Variants in PSD3 observed in about 807,000 individuals in gnomAD.
PSD3 encodes PH and SEC7 domain-containing protein 3.
In PSD3, 49 loss-of-function variants were observed where a neutral mutation model predicts 105.5. That is an observed-to-expected ratio of 0.46 (90% CI 0.37 to 0.59). The LOEUF is 0.59. Ranked by LOEUF, PSD3 falls within the 20% of genes least tolerant of loss-of-function variation. PSD3 has a pLI of 0.00. For missense variants in PSD3, 1,561 were observed against 1,263.8 expected (o/e 1.24, Z -3.57); for synonymous variants, 557 against 457.8 (o/e 1.22, Z -2.77).
At chr8:18,940,027 A>C (rs1323818881) in intron 1 of PSD3, 3 of 152,160 alleles carry the variant, frequency 2.0e-5, no homozygotes, top group Non-Finnish European at 4.4e-5. Flanking sequence ...CTCATGACCT[A>C]AACTGTTGGA....
Position 18,532,939 on chromosome 8 carries a change from T to C in PSD3, c.*2804A>G, listed in dbSNP as rs1240780112. 2.6e-5 allele frequency: 4 copies of C among 152,200 alleles called. No individual in the cohort carries two copies. Among genetic ancestry groups the C allele is most frequent in the African/African-American group, 9.7e-5 (4 of 41,418 alleles). The allele number at this position is 152,200 out of a possible 1,614,324, so 9.4% of individuals were successfully genotyped here. A position where few individuals can be genotyped will look rare whatever the true frequency, so the allele number is the denominator to read the frequency against. On this transcript the variant is annotated 3_prime_UTR_variant, in exon 16 of 16. Transcript: ENST00000327040. ...TGACGTGAAGAAGAATGATTTATCA[T>C]ATGGAAGGAAGTCCCAAGGCTCCTG...
chr8:18,842,143 C>G (rs538333221), intron 4 of PSD3, among the ~76,000 whole-genome samples: 1 of 152,284 alleles, frequency 6.6e-6, no homozygotes, highest in African/African-American at 2.4e-5. Flanking sequence ...CCATAATGAG[C>G]CTGGCATCTG....
chr8:18,533,575 T>C lies in PSD3; in HGVS notation c.*2168A>G, dbSNP rs185891403. 12 of 152,292 alleles carry C rather than the reference T, an allele frequency of 7.9e-5. No homozygotes were observed. In the East Asian group the frequency reaches 1.2e-3, roughly 15 times the overall value. 9.4% of individuals were successfully genotyped at this position (152,292 alleles called of 1,614,324 possible). ...ATGTATATTAAATAAGTAAAATACA[T>C]ACAGACATTCTATATACATAGATAT... On this transcript the variant is annotated 3_prime_UTR_variant, in exon 16 of 16. Transcript: ENST00000327040.
At chr8:18,814,778 G>C (rs369878309) in intron 4 of PSD3, among the ~76,000 whole-genome samples, 8 of 152,296 alleles carry the variant, frequency 5.3e-5, no homozygotes, top group African/African-American at 1.9e-4. Context: ...CTCACTTACA[G>C]TCTGACCAAC....
chr8:19,037,430 C>T (rs1455353521), intron 1 of PSD3, among the ~76,000 whole-genome samples: 1 of 152,194 alleles, frequency 6.6e-6, no homozygotes, highest in East Asian at 1.9e-4. Flanking sequence ...CCTATGGTTA[C>T]TGGAAGGATT....
At chr8:18,926,574 A>G (rs527414446) in intron 2 of PSD3, among the ~76,000 whole-genome samples, 1 of 152,176 alleles carries the variant, frequency 6.6e-6, no homozygotes, top group South Asian at 2.1e-4. Context: ...ACAATGAGAT[A>G]CTACTTCATA....
chr8:18,714,970 T>G (rs7005422), intron 9 of PSD3, among the ~76,000 whole-genome samples: 30,858 of 152,084 alleles, frequency 0.2, 5,960 homozygotes, highest in African/African-American at 0.49. Flanking sequence ...ATGAGATCAT[T>G]TCTTTTGCAG....
chr8:18,757,299 A>AC (rs1806132192), intron 9 of PSD3, among the ~76,000 whole-genome samples: 2 of 92,872 alleles, frequency 2.2e-5, no homozygotes, highest in African/African-American at 1.2e-4. Context: ...CCAAAAATAC[A>AC]AAAAAAAAAA....
chr8:18,885,413 C>A (rs976048335), intron 2 of PSD3, among the ~76,000 whole-genome samples: 19 of 152,078 alleles, frequency 1.2e-4, no homozygotes, highest in African/African-American at 4.3e-4. Flanking sequence ...TAAACTGTTT[C>A]GTATATATGT....
chr8:18,583,387 C>T (rs1044652724), intron 12 of PSD3, among the ~76,000 whole-genome samples: 13 of 152,016 alleles, frequency 8.6e-5, no homozygotes, highest in African/African-American at 2.4e-4. Flanking sequence ...GCTGAGACAC[C>T]GCCATTGCAC....
At chr8:19,066,074 T>C (rs1430270810) in intron 1 of PSD3, among the ~76,000 whole-genome samples, 3 of 152,238 alleles carry the variant, frequency 2.0e-5, no homozygotes, top group African/African-American at 7.2e-5. Flanking sequence ...GGTCAAGTCA[T>C]GGCAGCACCT....
chr8:18,715,541 T>C (rs924789102), intron 9 of PSD3, among the ~76,000 whole-genome samples: 3 of 152,204 alleles, frequency 2.0e-5, no homozygotes, highest in African/African-American at 4.8e-5. Flanking sequence ...TAAAATGGAA[T>C]GTTTTTCCTA....
At chr8:18,898,947 CT>C (rs1374116391) in intron 2 of PSD3, among the ~76,000 whole-genome samples, 1 of 152,124 alleles carries the variant, frequency 6.6e-6, no homozygotes, top group Non-Finnish European at 1.5e-5. Context: ...GTCTTTTTAA[CT>C]TTTTCATTTC....
chr8:18,615,846 T>C lies in PSD3; in HGVS notation c.2411-15412A>G, dbSNP rs1207655574. ...CCAGGGAAGGACAGAGCGAAGACCC[T>C]GCTGTGCACGCATTTCTACAACTAG... On this transcript the variant is annotated intron_variant, in intron 11 of 15. Transcript: ENST00000327040. Among the ~76,000 whole-genome samples the C allele has an allele frequency of 3.3e-5, 5 of 152,322 alleles. No individual in the cohort carries two copies. In the South Asian group the frequency reaches 6.2e-4, roughly 19 times the overall value.
chr8:18,673,118 T>C (rs1018876554), intron 9 of PSD3, among the ~76,000 whole-genome samples: 1 of 152,140 alleles, frequency 6.6e-6, no homozygotes, highest in African/African-American at 2.4e-5. Context: ...TTGGTTTTTC[T>C]ATTTTCAATA....
At chr8:18,891,789 C>A (rs1818796104) in intron 2 of PSD3, among the ~76,000 whole-genome samples, 2 of 152,154 alleles carry the variant, frequency 1.3e-5, no homozygotes, top group Admixed American at 1.3e-4. Flanking sequence ...TCAAAATAAT[C>A]AAAAGAGGAT....
At chr8:19,065,638 C>T (rs1027651924) in intron 1 of PSD3, among the ~76,000 whole-genome samples, 12 of 152,180 alleles carry the variant, frequency 7.9e-5, no homozygotes, top group African/African-American at 2.2e-4. Context: ...GGAAGAGATG[C>T]GCAGGGCAAG....
At chr8:18,946,439 G>A (rs1433037322) in intron 1 of PSD3, among the ~76,000 whole-genome samples, 1 of 152,106 alleles carries the variant, frequency 6.6e-6, no homozygotes, top group Admixed American at 6.6e-5. Flanking sequence ...AAATCAGCCA[G>A]GCAGAGTGTC....
intron 9 of PSD3, among the ~76,000 whole-genome samples, chr8:18,656,363 T>C (rs1808893754): frequency 1.3e-5 from 2 of 151,914 alleles, no homozygotes; most frequent in Admixed American, 1.3e-4. Context: ...TGGCTGCTTT[T>C]TTTTTTTCGT....
Sources: gnomAD v4.1 joint callset for allele counts (sites outside exome capture counted in the v4.1 genomes callset) on GRCh38, gnomAD v4.1.1 for gene constraint, MANE v1.5 for transcripts, NCBI Gene and HGNC (gene_info 2026-07-23, HGNC 2026-07-21) for gene names.